The following TMEM132C variants were observed in gnomAD, a reference collection of about 807,000 sequenced individuals.
TMEM132C encodes transmembrane protein 132C, also known as protein phosphatase 1, regulatory subunit 152.
Under a neutral mutation model 61.4 loss-of-function variants are expected in TMEM132C, and 29 were observed. That is an observed-to-expected ratio of 0.47 (90% confidence interval 0.35 to 0.64). TMEM132C has a LOEUF of 0.64. Ranked by LOEUF, TMEM132C falls within the 30% of genes least tolerant of loss-of-function variation. The probability of loss-of-function intolerance (pLI) is 0.00; values close to 1 mark genes in which losing one functional copy is unlikely to be tolerated. For synonymous variants in TMEM132C, 656 were observed against 633.1 expected (o/e 1.04, Z -0.54); for missense variants, 1,408 against 1,476.9 (o/e 0.95, Z 0.76).
At chr12:128,619,396 G>A (rs970835692) in intron 4 of TMEM132C, among the ~76,000 whole-genome samples, 1 of 152,230 alleles carries the variant, frequency 6.6e-6, no homozygotes, top group Non-Finnish European at 1.5e-5. Context: ...GACTCCCCCT[G>A]AGTAAATGCA....
intron 2 of TMEM132C, among the ~76,000 whole-genome samples, chr12:128,512,362 C>CCACT (rs1872592806): frequency 1.3e-5 from 2 of 152,112 alleles, no homozygotes; most frequent in Admixed American, 1.3e-4. Context: ...GCAAAAGTAA[C>CCACT]CACTCTGTAT....
intron 2 of TMEM132C, among the ~76,000 whole-genome samples, chr12:128,523,526 A>G (rs1237536010): frequency 6.6e-6 from 1 of 152,162 alleles, no homozygotes; most frequent in African/African-American, 2.4e-5. Context: ...TGGACCCAGG[A>G]GTTTGAATGG....
At chr12:128,457,796 T>A (rs1870396405) in intron 2 of TMEM132C, among the ~76,000 whole-genome samples, 1 of 152,142 alleles carries the variant, frequency 6.6e-6, no homozygotes, top group South Asian at 2.1e-4. Context: ...GGGATGGAGA[T>A]AAGCATTTTC....
At chr12:128,286,243 T>C (rs1871067312) in intron 1 of TMEM132C, among the ~76,000 whole-genome samples, 2 of 152,204 alleles carry the variant, frequency 1.3e-5, no homozygotes. Context: ...AGGTCTTTGC[T>C]TCCCTTAGCT....
chr12:128,540,023 T>G (rs187620898), intron 2 of TMEM132C, among the ~76,000 whole-genome samples: 212 of 152,336 alleles, frequency 1.4e-3, no homozygotes, highest in African/African-American at 4.7e-3. Context: ...AAAGCCATCC[T>G]CTTAATTTTT....
chr12:128,470,637 G>A (rs759432089), intron 2 of TMEM132C, among the ~76,000 whole-genome samples: 12 of 152,124 alleles, frequency 7.9e-5, no homozygotes, highest in African/African-American at 1.2e-4. Flanking sequence ...TGAACTACAC[G>A]CAGCTGCATG....
chr12:128,576,697 C>T lies in TMEM132C; in HGVS notation c.1121+32594C>T, dbSNP rs140982576. On this transcript the variant is annotated intron_variant, in intron 3 of 8. Transcript: ENST00000435159. ...CATGTGAAAATTGAGACAGGTTAAG[C>T]CATTTGTCCGTGATCGCACACCTAA... Among the ~76,000 whole-genome samples, 1,497 of 152,304 alleles carry T rather than the reference C, an allele frequency of 9.8e-3. 12 individuals carry two copies. Among genetic ancestry groups the T allele is most frequent in the South Asian group, 0.026 (124 of 4,828 alleles).
intron 1 of TMEM132C, among the ~76,000 whole-genome samples, chr12:128,316,632 G>A (rs573529307): frequency 6.6e-4 from 101 of 152,206 alleles, no homozygotes; most frequent in Non-Finnish European, 1.1e-3. Flanking sequence ...TTAAAATTAC[G>A]CCTATTCATG....
At chr12:128,480,417 C>T (rs569734540) in intron 2 of TMEM132C, among the ~76,000 whole-genome samples, 25 of 152,204 alleles carry the variant, frequency 1.6e-4, no homozygotes, top group African/African-American at 6.0e-4. Context: ...AAGCTTGCGC[C>T]CAAAGTCTGA....
intron 2 of TMEM132C, among the ~76,000 whole-genome samples, chr12:128,451,458 C>T (rs974378914): frequency 3.3e-5 from 5 of 152,046 alleles, no homozygotes; most frequent in African/African-American, 1.2e-4. Flanking sequence ...CGCCTGCTAC[C>T]CCCGGCAGGA....
chr12:128,309,733 T>G (rs1365639229), intron 1 of TMEM132C, among the ~76,000 whole-genome samples: 1 of 151,698 alleles, frequency 6.6e-6, no homozygotes, highest in Non-Finnish European at 1.5e-5. Context: ...TTTCTTTTTT[T>G]TTTTTCTTTT....
chr12:128,642,972 G>A (rs143324587), intron 4 of TMEM132C, among the ~76,000 whole-genome samples: 8 of 152,270 alleles, frequency 5.3e-5, no homozygotes, highest in Non-Finnish European at 1.2e-4. Flanking sequence ...GCAGGGGGCA[G>A]GAAATGTTTG....
At chr12:128,668,891 A>T (rs949372094) in intron 4 of TMEM132C, among the ~76,000 whole-genome samples, 1 of 152,128 alleles carries the variant, frequency 6.6e-6, no homozygotes, top group African/African-American at 2.4e-5. Flanking sequence ...GGACTTTAGG[A>T]TGACTGGATC....
chr12:128,705,678 G>A lies in TMEM132C; in HGVS notation c.2710G>A (p.Ala904Thr). ...CCCTGCCCACGTGGACCTCCCCAAG[G>A]CCGGGAGTGGGCTGGAGGAAAACGA... ...NFPAHVDLPK[A>T]GSGLEENDLV... is the part of the protein sequence containing the mutation. The change falls in exon 9 of 9, where the codon GCC becomes ACC. Residue 904 changes from alanine (A) to threonine (T), a missense_variant. Coordinates refer to ENST00000435159, the MANE Select transcript of TMEM132C (RefSeq NM_001136103.3). The A allele has an allele frequency of 6.4e-7, 1 of 1,551,402 alleles. No individual in the cohort carries two copies. Among genetic ancestry groups the A allele is most frequent in the Non-Finnish European group, 8.7e-7 (1 of 1,146,990 alleles).
chr12:128,516,139 T>C (rs1451982926), intron 2 of TMEM132C, among the ~76,000 whole-genome samples: 1 of 152,114 alleles, frequency 6.6e-6, no homozygotes, highest in Non-Finnish European at 1.5e-5. Flanking sequence ...TCCTCCTCTT[T>C]TCACTGGATT....
Position 128,625,851 on chromosome 12 carries a change from C to T in TMEM132C, c.1305+9516C>T, listed in dbSNP as rs544515306. Among the ~76,000 whole-genome samples the T allele has an allele frequency of 6.6e-4, 101 of 152,304 alleles. No individual in the cohort carries two copies. The South Asian group carries it at 0.014, about 21-fold the overall frequency. On this transcript the variant is annotated intron_variant, in intron 4 of 8. Transcript: ENST00000435159. ...CCAAAGGCCCCACCTCCTAACCCAT[C>T]ACCTTGGGGGTTGGCATTTCAGCAT...
chr12:128,637,522 T>G (rs1954113429), intron 4 of TMEM132C, among the ~76,000 whole-genome samples: 1 of 152,248 alleles, frequency 6.6e-6, no homozygotes, highest in Non-Finnish European at 1.5e-5. Flanking sequence ...GCCTCTGTAT[T>G]TACCACAATC....
intron 1 of TMEM132C, among the ~76,000 whole-genome samples, chr12:128,311,627 T>C (rs907775380): frequency 6.6e-6 from 1 of 152,216 alleles, no homozygotes; most frequent in Non-Finnish European, 1.5e-5. Flanking sequence ...AGAACAGTTC[T>C]TTGTTCCCTC....
intron 2 of TMEM132C, among the ~76,000 whole-genome samples, chr12:128,506,700 C>A (rs532809211): frequency 3.3e-5 from 5 of 152,174 alleles, no homozygotes; most frequent in Non-Finnish European, 5.9e-5. Flanking sequence ...CCGGCCTCCC[C>A]ATGCACCATC....
Sources: allele counts gnomAD v4.1 joint callset (sites outside exome capture counted in the v4.1 genomes callset), GRCh38; gene constraint gnomAD v4.1.1; transcripts MANE v1.5; gene names NCBI Gene and HGNC (gene_info 2026-07-23, HGNC 2026-07-21).